The following PECAM1 variants were observed in gnomAD, a reference collection of about 807,000 sequenced individuals.
The protein encoded by PECAM1 is platelet and endothelial cell adhesion molecule 1.
A neutral mutation model predicts 13.8 loss-of-function variants in PECAM1; 8 were observed. That is an observed-to-expected ratio of 0.58 (90% CI 0.34 to 1.05). PECAM1 has a LOEUF of 1.05. Among genes scored for constraint, PECAM1 ranks in the 50% least tolerant of loss-of-function variants. The pLI is 0.03. For synonymous variants in PECAM1, 136 were observed against 52.6 expected, an observed-to-expected ratio of 2.58 and a Z score of -6.86; for missense variants, 304 against 141.2, an observed-to-expected ratio of 2.15 and a Z score of -5.84.
chr17:64,352,183 G>A (rs4968624), intron 11 of PECAM1, among the ~76,000 whole-genome samples: 62,845 of 152,090 alleles, frequency 0.41, 14,374 homozygotes, highest in South Asian at 0.58. Context: ...TTGGAAGGTG[G>A]CAAAGTTAGA....
At chr17:64,366,563 TG>T (rs2036110204) in intron 5 of PECAM1, among the ~76,000 whole-genome samples, 1 of 151,830 alleles carries the variant, frequency 6.6e-6, no homozygotes, top group East Asian at 1.9e-4. Context: ...AGCAAAGACT[TG>T]GAACCAATCC....
chr17:64,329,807 G>A lies in PECAM1; in HGVS notation c.2165-85C>T, dbSNP rs533539144. On this transcript the variant is annotated intron_variant, in intron 14 of 15. Transcript: ENST00000563924. ...AACAACATCACAGGGTCAGGAGCAG[G>A]TCGAGAAAAGAGGGAGGAGGCGAGA... The A allele has an allele frequency of 1.5e-3, 1,069 of 725,514 alleles. 26 individuals are homozygous for A. The highest frequency in any genetic ancestry group is 0.014 in the South Asian group (963 of 68,128). The allele number at this position is 725,514 out of a possible 1,614,324, so 44.9% of individuals were successfully genotyped here. A position where few individuals can be genotyped will look rare whatever the true frequency, so the allele number is the denominator to read the frequency against.
At chr17:64,336,729 G>T (rs980440731) in intron 14 of PECAM1, among the ~76,000 whole-genome samples, 4 of 152,052 alleles carry the variant, frequency 2.6e-5, no homozygotes, top group African/African-American at 9.7e-5. Flanking sequence ...ATGGTGGTGC[G>T]TGCCTGTAAT....
intron 6 of PECAM1, among the ~76,000 whole-genome samples, chr17:64,360,783 CAT>C (rs1455546658): frequency 2.0e-5 from 3 of 147,070 alleles, no homozygotes; most frequent in Non-Finnish European, 4.5e-5. Flanking sequence ...ACACAGAAAA[CAT>C]AGAAAAAGTA....
Position 64,322,557 on chromosome 17 carries a change from G to T in PECAM1, c.*1259C>A, listed in dbSNP as rs2034831299. The T allele has an allele frequency of 2.0e-6, 2 of 985,298 alleles. No individual in the cohort carries two copies. The highest frequency in any genetic ancestry group is 1.7e-5 in the African/African-American group (1 of 57,222). The allele number at this position is 985,298 out of a possible 1,614,324, so 61.0% of individuals were successfully genotyped here. A position where few individuals can be genotyped will look rare whatever the true frequency, so the allele number is the denominator to read the frequency against. Reference sequence around the variant, plus strand: ...TACAACATCCACGAGGGTCCCTGCAGCTGTGTCACTGAGGCAAACAGGAAA... The same window carrying T: ...TACAACATCCACGAGGGTCCCTGCATCTGTGTCACTGAGGCAAACAGGAAA... On this transcript the variant is annotated 3_prime_UTR_variant, in exon 16 of 16. Transcript: ENST00000563924.
chr17:64,384,243 A>G (rs2036544802), intron 2 of PECAM1, among the ~76,000 whole-genome samples: 2 of 152,332 alleles, frequency 1.3e-5, no homozygotes, highest in Middle Eastern at 3.4e-3. Flanking sequence ...GGATGGAAAA[A>G]AGAAAAGCAT....
chr17:64,341,853 A>C (rs1002958475), intron 13 of PECAM1, among the ~76,000 whole-genome samples, 163 bp from the exon 14 acceptor site: 10 of 152,102 alleles, frequency 6.6e-5, no homozygotes, highest in African/African-American at 2.4e-4. Flanking sequence ...GTCATTTCTG[A>C]TGTTAGAAGA....
chr17:64,356,901 A>C (rs1197178104), intron 7 of PECAM1, among the ~76,000 whole-genome samples: 2 of 152,022 alleles, frequency 1.3e-5, no homozygotes, highest in East Asian at 3.9e-4. Flanking sequence ...CTGAAATCTG[A>C]CTGCACTCTT....
intron 14 of PECAM1, among the ~76,000 whole-genome samples, chr17:64,339,970 T>TA (rs1347563546): frequency 6.6e-6 from 1 of 152,078 alleles, no homozygotes; most frequent in African/African-American, 2.4e-5. Flanking sequence ...GGCAACATGG[T>TA]AAAACCTCAT....
intron 5 of PECAM1, 30 bp downstream of exon 5, chr17:64,369,720 G>T: frequency 2.5e-6 from 1 of 398,650 alleles, no homozygotes; most frequent in Middle Eastern, 6.3e-4. Context: ...CCCGCCATAT[G>T]CCAACACCCT....
At chr17:64,361,985 C>T (rs2035993791) in intron 6 of PECAM1, among the ~76,000 whole-genome samples, 1 of 152,118 alleles carries the variant, frequency 6.6e-6, no homozygotes, top group Non-Finnish European at 1.5e-5. Flanking sequence ...AGGCTAAAAT[C>T]CTGGTTCAGT....
chr17:64,382,675 A>G (rs1162402237), intron 2 of PECAM1, among the ~76,000 whole-genome samples: 2 of 151,692 alleles, frequency 1.3e-5, no homozygotes, highest in Non-Finnish European at 2.9e-5. Context: ...CTGAAAATCA[A>G]CTATTCAGAG....
At chr17:64,346,101 A>C (rs1012039805) in intron 13 of PECAM1, among the ~76,000 whole-genome samples, 116 of 152,162 alleles carry the variant, frequency 7.6e-4, no homozygotes, top group African/African-American at 2.6e-3. Context: ...CAGTCAGGAA[A>C]ACTACCCCAG....
At chr17:64,356,997 T>C (rs978608978) in intron 7 of PECAM1, among the ~76,000 whole-genome samples, 4 of 152,174 alleles carry the variant, frequency 2.6e-5, no homozygotes, top group African/African-American at 9.7e-5. Context: ...CCAACGTCCC[T>C]GAGTCCCCTG....
intron 3 of PECAM1, 86 bp downstream of exon 3, chr17:64,377,738 A>G (rs1370980509): frequency 4.3e-6 from 2 of 468,826 alleles, no homozygotes; most frequent in East Asian, 6.2e-5. Flanking sequence ...AGTTAAGTCC[A>G]GTGTCACTAT....
intron 2 of PECAM1, among the ~76,000 whole-genome samples, chr17:64,383,660 A>G (rs12943471): frequency 0.53 from 79,828 of 151,978 alleles, 21,087 homozygotes; most frequent in South Asian, 0.6. Flanking sequence ...GCCTCCCACT[A>G]ACCAGTCCTA....
intron 15 of PECAM1, among the ~76,000 whole-genome samples, chr17:64,326,718 A>G (rs184467142): frequency 6.6e-5 from 10 of 152,200 alleles, no homozygotes; most frequent in Non-Finnish European, 1.3e-4. Context: ...CACAATCAAC[A>G]GGGCCTTAGG....
At chr17:64,389,063 C>A (rs1025051347) in intron 2 of PECAM1, among the ~76,000 whole-genome samples, 2,939 of 152,250 alleles carry the variant, frequency 0.019, 42 homozygotes, top group Non-Finnish European at 0.026. Flanking sequence ...CCATGGGGAT[C>A]AAATGCCCAA....
At chr17:64,336,061 C>T (rs1281290609) in intron 14 of PECAM1, among the ~76,000 whole-genome samples, 3 of 151,406 alleles carry the variant, frequency 2.0e-5, no homozygotes, top group African/African-American at 4.9e-5. Context: ...GTCTGGAGTT[C>T]GAGATCAGCC....
Sources: allele counts gnomAD v4.1 joint callset (sites outside exome capture counted in the v4.1 genomes callset), GRCh38; gene constraint gnomAD v4.1.1; transcripts MANE v1.5; gene names NCBI Gene and HGNC (gene_info 2026-07-23, HGNC 2026-07-21).